Variants in NXPE2 observed in about 807,000 individuals in gnomAD.
The protein encoded by NXPE2 is neurexophilin and PC-esterase domain family member 2.
NXPE2 carries 34 observed loss-of-function variants against 34.4 expected under a neutral mutation model. The ratio of observed to expected loss-of-function variants is 0.99; its 90% confidence interval spans 0.75 to 1.31. The LOEUF (loss-of-function observed/expected upper bound fraction) is 1.31. NXPE2 is among the 40% of genes most tolerant of loss of function. The pLI is 0.00. For synonymous variants in NXPE2, 235 were observed against 231.3 expected, an observed-to-expected ratio of 1.02 and a Z score of -0.15; for missense variants, 649 against 672.5, an observed-to-expected ratio of 0.97 and a Z score of 0.39.
the NXPE2 span, among the ~76,000 whole-genome samples, chr11:114,730,423 T>A: frequency 6.6e-6 from 1 of 152,194 alleles, no homozygotes; most frequent in Non-Finnish European, 1.5e-5. Flanking sequence ...ATAGTATTTT[T>A]CTAATTCTGT....
chr11:114,672,866 A>C, the NXPE2 span, among the ~76,000 whole-genome samples: 1 of 151,772 alleles, frequency 6.6e-6, no homozygotes. Context: ...ATAGTTAGAG[A>C]CTTCAATATC....
At chr11:114,603,660 T>C in the NXPE2 span, among the ~76,000 whole-genome samples, 19 of 151,898 alleles carry the variant, frequency 1.3e-4, no homozygotes, top group Middle Eastern at 0.01. Context: ...TGGCAAGTAT[T>C]GCCTCGTCTC....
At chr11:114,738,888 A>T in the NXPE2 span, among the ~76,000 whole-genome samples, 1 of 151,976 alleles carries the variant, frequency 6.6e-6, no homozygotes, top group East Asian at 1.9e-4. Context: ...ATATTTTATG[A>T]TTGTTATTTT....
At chr11:114,482,557 C>T in the NXPE2 span, among the ~76,000 whole-genome samples, 4 of 152,184 alleles carry the variant, frequency 2.6e-5, no homozygotes, top group African/African-American at 9.7e-5. Context: ...CTCTTTCTCC[C>T]TTCCTCCCTG....
the NXPE2 span, among the ~76,000 whole-genome samples, chr11:114,653,135 T>C: frequency 3.3e-5 from 5 of 152,314 alleles, no homozygotes; most frequent in Admixed American, 2.6e-4. Flanking sequence ...ATAACAATAC[T>C]GACTTGTTTT....
At chr11:114,466,832 G>A in the NXPE2 span, among the ~76,000 whole-genome samples, 1 of 151,980 alleles carries the variant, frequency 6.6e-6, no homozygotes, top group African/African-American at 2.4e-5. Context: ...TTCATGTAGA[G>A]CAGTTTAGTC....
At chr11:114,611,389 A>T in the NXPE2 span, among the ~76,000 whole-genome samples, 1 of 151,762 alleles carries the variant, frequency 6.6e-6, no homozygotes, top group African/African-American at 2.4e-5. Flanking sequence ...CCTCGTGGGT[A>T]ACCACTGTTT....
the NXPE2 span, among the ~76,000 whole-genome samples, chr11:114,597,748 G>T: frequency 6.6e-6 from 1 of 152,064 alleles, no homozygotes; most frequent in South Asian, 2.1e-4. Flanking sequence ...AAAAAATGGA[G>T]GTACATGTCA....
At chr11:114,776,912 G>T in the NXPE2 span, among the ~76,000 whole-genome samples, 13 of 152,268 alleles carry the variant, frequency 8.5e-5, no homozygotes, top group South Asian at 2.5e-3. Context: ...AATAGCTAGG[G>T]TCAAACAACT....
At chr11:114,664,676 T>C in the NXPE2 span, among the ~76,000 whole-genome samples, 1 of 152,158 alleles carries the variant, frequency 6.6e-6, no homozygotes, top group Non-Finnish European at 1.5e-5. Flanking sequence ...GACTTATGAG[T>C]TGTTGACTCA....
the NXPE2 span, among the ~76,000 whole-genome samples, chr11:114,802,684 A>G: frequency 1.3e-5 from 2 of 151,858 alleles, no homozygotes. Flanking sequence ...CAGCCTTTTG[A>G]AATTTGAGTC....
the NXPE2 span, among the ~76,000 whole-genome samples, chr11:114,593,849 G>T: frequency 6.6e-6 from 1 of 152,080 alleles, no homozygotes; most frequent in Non-Finnish European, 1.5e-5. Flanking sequence ...GTTATAAAAA[G>T]AACAAGATTC....
At chr11:114,659,755 G>A in the NXPE2 span, among the ~76,000 whole-genome samples, 3 of 152,068 alleles carry the variant, frequency 2.0e-5, no homozygotes, top group African/African-American at 4.8e-5. Flanking sequence ...AATCTTTCAT[G>A]TTAAGAAACT....
chr11:114,791,478 C>T, the NXPE2 span, among the ~76,000 whole-genome samples: 1 of 152,158 alleles, frequency 6.6e-6, no homozygotes, highest in Non-Finnish European at 1.5e-5. Context: ...GATCTCTGTG[C>T]CTCTGGACTG....
chr11:114,778,818 C>T, the NXPE2 span, among the ~76,000 whole-genome samples: 3 of 152,178 alleles, frequency 2.0e-5, no homozygotes, highest in Non-Finnish European at 4.4e-5. Flanking sequence ...TTCTGTGTTC[C>T]CTCCTGAACT....
At chr11:114,521,763 G>A in the NXPE2 span, 1 of 495,432 alleles carries the variant, frequency 2.0e-6, no homozygotes, top group South Asian at 4.2e-5. Flanking sequence ...TCAGAACCAG[G>A]CATGGTATAG....
At chr11:114,725,157 C>A in the NXPE2 span, among the ~76,000 whole-genome samples, 10 of 151,908 alleles carry the variant, frequency 6.6e-5, no homozygotes, top group Non-Finnish European at 1.2e-4. Context: ...ACAAGGACAG[C>A]GAAGATACTC....
chr11:114,527,927 A>G, the NXPE2 span: 3 of 1,563,930 alleles, frequency 1.9e-6, no homozygotes, highest in Non-Finnish European at 1.8e-6. Context: ...AGAACAATAA[A>G]TTAGCCTGCT....
At chr11:114,705,172 T>A (rs773816376) in intron 4 of NXPE2, among the ~76,000 whole-genome samples, 1 of 152,156 alleles carries the variant, frequency 6.6e-6, no homozygotes, top group Non-Finnish European at 1.5e-5. Context: ...TAGAGGAGTG[T>A]TCAGAACAGG....
Sources: allele counts gnomAD v4.1 joint callset (sites outside exome capture counted in the v4.1 genomes callset), GRCh38; gene constraint gnomAD v4.1.1; transcripts MANE v1.5; gene names NCBI Gene and HGNC (gene_info 2026-07-23, HGNC 2026-07-21).